Variants in MRAS observed in about 807,000 individuals in gnomAD.
MRAS encodes ras-related protein M-Ras.
Under a neutral mutation model 20.9 loss-of-function variants are expected in MRAS, and 4 were observed. The ratio of observed to expected loss-of-function variants is 0.19; its 90% CI spans 0.09 to 0.44. The LOEUF (loss-of-function observed/expected upper bound fraction) is 0.44. Among genes scored for constraint, MRAS ranks in the 20% least tolerant of loss-of-function variants. MRAS has a pLI of 0.99. For missense variants in MRAS, 154 were observed against 277.5 expected (o/e 0.56, Z 3.16); for synonymous variants, 98 against 102.9 (o/e 0.95, Z 0.29).
chr3:138,394,748 C>A (rs970672078), intron 2 of MRAS, among the ~76,000 whole-genome samples: 2 of 152,216 alleles, frequency 1.3e-5, no homozygotes, highest in Admixed American at 6.5e-5. Flanking sequence ...CCTAGACGCT[C>A]AGGCCAGAAA....
intron 1 of MRAS, among the ~76,000 whole-genome samples, chr3:138,359,596 G>T (rs1361085811): frequency 6.6e-6 from 1 of 152,220 alleles, no homozygotes; most frequent in African/African-American, 2.4e-5. Context: ...CAAAGCAGCA[G>T]CCTTTTTTGA....
In MRAS at chr3:138,356,630, A is replaced by G. The variant is rs369103115; in HGVS notation, c.-19+7863A>G. Among the ~76,000 whole-genome samples, 7 of 152,310 alleles carry G rather than the reference A, an allele frequency of 4.6e-5. No individual in the cohort carries two copies. The East Asian group carries it at 7.7e-4, about 17-fold the overall frequency. On this transcript the variant is annotated intron_variant, in intron 1 of 5. Transcript: ENST00000423968. ...TCAATGTCTGCTTTATTATAACCAGAGATGATAGAAGGAGGGTGGGATCAC... is the reference window on the plus strand; with the variant it reads ...TCAATGTCTGCTTTATTATAACCAGGGATGATAGAAGGAGGGTGGGATCAC...
intron 2 of MRAS, among the ~76,000 whole-genome samples, chr3:138,378,649 C>T (rs2054834692): frequency 6.6e-6 from 1 of 152,226 alleles, no homozygotes; most frequent in African/African-American, 2.4e-5. Context: ...CACCCCAATT[C>T]TCTCTTGTCA....
At chr3:138,355,903 C>A (rs1004294914) in intron 1 of MRAS, among the ~76,000 whole-genome samples, 39 of 152,288 alleles carry the variant, frequency 2.6e-4, no homozygotes, top group African/African-American at 8.9e-4. Context: ...TGTGCTTCAG[C>A]CTGGCGACAG....
chr3:138,394,710 C>T (rs2055199388), intron 2 of MRAS, among the ~76,000 whole-genome samples: 1 of 152,206 alleles, frequency 6.6e-6, no homozygotes, highest in Admixed American at 6.5e-5. Flanking sequence ...CCAGACTTCC[C>T]CACCTCAGCA....
At chr3:138,397,582 A>G in intron 3 of MRAS, 105 bp downstream of exon 3, 1 of 1,362,720 alleles carries the variant, frequency 7.3e-7, no homozygotes, top group Non-Finnish European at 9.9e-7. Context: ...ACCCCTAATT[A>G]AAGGCGTGGA....
intron 5 of MRAS, 134 bp downstream of exon 5, chr3:138,400,747 C>T: frequency 1.4e-6 from 1 of 720,330 alleles, no homozygotes. Flanking sequence ...TTTTGGATTT[C>T]TTGTCCCTCC....
intron 2 of MRAS, 32 bp downstream of exon 2, chr3:138,373,108 G>A (rs2054709429): frequency 7.1e-7 from 1 of 1,406,952 alleles, no homozygotes; most frequent in Non-Finnish European, 9.3e-7. Context: ...TGCATTGGGT[G>A]GGATAGTAGA....
chr3:138,378,224 A>G (rs2054824466), intron 2 of MRAS, among the ~76,000 whole-genome samples: 1 of 152,236 alleles, frequency 6.6e-6, no homozygotes, highest in African/African-American at 2.4e-5. Flanking sequence ...CAAGCTGCTT[A>G]AGGAAGCCTT....
rs565971942 is a variant in MRAS at position 138,356,982 on chromosome 3, T to G, written c.-19+8215T>G. ...GGGTGTTTCCTGCATGTTTGAGATT[T>G]TAGGAGGAAATCAAAATAAAGAAAC... On this transcript the variant is annotated intron_variant, in intron 1 of 5. Coordinates refer to ENST00000423968, the MANE Select transcript of MRAS (RefSeq NM_001085049.3). 3.9e-5 allele frequency among the ~76,000 whole-genome samples: 6 copies of G among 152,344 alleles called. No homozygotes were observed. The East Asian group carries it at 9.6e-4, about 24-fold the overall frequency.
chr3:138,394,935 C>T (rs2055204297), intron 2 of MRAS, among the ~76,000 whole-genome samples: 1 of 152,256 alleles, frequency 6.6e-6, no homozygotes, highest in Non-Finnish European at 1.5e-5. Flanking sequence ...TTGTGCTAGC[C>T]TCCTCACTGG....
At position 138,373,897 on chromosome 3, in the gene MRAS, ATTTATTTG is replaced by A. The variant is rs777391292; in HGVS notation, c.193+830_193+837del. On this transcript the variant is annotated intron_variant, in intron 2 of 5. Coordinates refer to ENST00000423968, the MANE Select transcript of MRAS (RefSeq NM_001085049.3). ...TTTCCATTTATTTATTTATTTATTT[ATTTATTTG>A]TTTATTTGGGTCTTCTTTCTCTTGT... is the stretch of plus-strand genomic sequence containing the variant. Among the ~76,000 whole-genome samples the A allele has an allele frequency of 3.7e-3, 554 of 151,704 alleles. 5 individuals carry two copies. The highest frequency in any genetic ancestry group is 0.014 in the Middle Eastern group (4 of 294).
At chr3:138,362,663 G>T (rs767690206) in intron 1 of MRAS, among the ~76,000 whole-genome samples, 1 of 152,168 alleles carries the variant, frequency 6.6e-6, no homozygotes, top group African/African-American at 2.4e-5. Context: ...CTAGGGCAGG[G>T]TCCGGGGGCC....
intron 2 of MRAS, among the ~76,000 whole-genome samples, chr3:138,394,738 CCTAGACG>C (rs1229416988): frequency 6.6e-6 from 1 of 152,186 alleles, no homozygotes; most frequent in African/African-American, 2.4e-5. Context: ...TCACTATTCC[CCTAGACG>C]CTCAGGCCAG....
At chr3:138,360,191 T>G (rs1461500797) in intron 1 of MRAS, among the ~76,000 whole-genome samples, 1 of 152,184 alleles carries the variant, frequency 6.6e-6, no homozygotes, top group Non-Finnish European at 1.5e-5. Context: ...TGATTCCCTC[T>G]TGCTGCTACT....
chr3:138,352,386 T>C (rs1358911080), intron 1 of MRAS, among the ~76,000 whole-genome samples: 1 of 152,266 alleles, frequency 6.6e-6, no homozygotes, highest in Non-Finnish European at 1.5e-5. Flanking sequence ...GACAGCTTTC[T>C]GCAGGCATTC....
At position 138,404,121 on chromosome 3, in the gene MRAS, G is replaced by A. The variant is rs2055412057; in HGVS notation, c.*1852G>A. 1 of 152,184 alleles carries A rather than the reference G, an allele frequency of 6.6e-6. No individual in the cohort carries two copies. Among genetic ancestry groups the A allele is most frequent in the East Asian group, 1.9e-4 (1 of 5,204 alleles). 9.4% of individuals were successfully genotyped at this position (152,184 alleles called of 1,614,324 possible). A position where few individuals can be genotyped will look rare whatever the true frequency, so the allele number is the denominator to read the frequency against. On this transcript the variant is annotated 3_prime_UTR_variant, in exon 6 of 6. Coordinates refer to ENST00000423968, the MANE Select transcript of MRAS (RefSeq NM_001085049.3). ...TTCCTTAGACCCTATAGTGTTAAGA[G>A]GTATTTTAAACACTAAAAGGACAAA...
chr3:138,372,814 C>A, intron 1 of MRAS, 52 bp from the exon 2 acceptor site: 1 of 1,270,300 alleles, frequency 7.9e-7, no homozygotes, highest in Non-Finnish European at 1.1e-6. Context: ...TGAATATTTT[C>A]CCCTAAGTTA....
intron 1 of MRAS, among the ~76,000 whole-genome samples, chr3:138,358,047 A>C (rs554970078): frequency 6.6e-6 from 1 of 152,336 alleles, no homozygotes; most frequent in African/African-American, 2.4e-5. Context: ...TGTCAGATGT[A>C]AAGGGGTCTG....
Sources: gnomAD v4.1 joint callset for allele counts (sites outside exome capture counted in the v4.1 genomes callset) on GRCh38, gnomAD v4.1.1 for gene constraint, MANE v1.5 for transcripts, NCBI Gene and HGNC (gene_info 2026-07-23, HGNC 2026-07-21) for gene names.